The following MAN1C1 variants were observed in gnomAD, a reference collection of about 807,000 sequenced individuals.
MAN1C1 encodes mannosyl-oligosaccharide 1,2-alpha-mannosidase IC.
In MAN1C1, 49 loss-of-function variants were observed where a neutral mutation model predicts 71.5. The ratio of observed to expected loss-of-function variants is 0.69; its 90% CI spans 0.54 to 0.87. MAN1C1 has a LOEUF of 0.87. Among genes scored for constraint, MAN1C1 ranks in the 40% least tolerant of loss-of-function variants. The pLI, the probability that MAN1C1 is intolerant of heterozygous loss-of-function variation, is 0.00. For synonymous variants in MAN1C1, 352 were observed against 343.7 expected (o/e 1.02, Z -0.27); for missense variants, 743 against 835.0 (o/e 0.89, Z 1.36).
chr1:25,649,259 A>G (rs1434477450), intron 1 of MAN1C1, among the ~76,000 whole-genome samples: 1 of 152,218 alleles, frequency 6.6e-6, no homozygotes, highest in Non-Finnish European at 1.5e-5. Flanking sequence ...GCTTCTGAAG[A>G]GGCTTTGTGT....
At chr1:25,706,596 G>A (rs929713695) in intron 2 of MAN1C1, among the ~76,000 whole-genome samples, 3 of 152,226 alleles carry the variant, frequency 2.0e-5, no homozygotes, top group African/African-American at 7.2e-5. Context: ...TGAGTCCTCA[G>A]CAGAGAGTGT....
chr1:25,651,198 C>T (rs1221966932), intron 1 of MAN1C1, among the ~76,000 whole-genome samples: 1 of 152,246 alleles, frequency 6.6e-6, no homozygotes, highest in Non-Finnish European at 1.5e-5. Flanking sequence ...TCCTCTGCCA[C>T]ACTTTCTTCT....
At chr1:25,755,146 G>C (rs114057503) in intron 5 of MAN1C1, among the ~76,000 whole-genome samples, 2,933 of 152,258 alleles carry the variant, frequency 0.019, 100 homozygotes, top group African/African-American at 0.066. Context: ...TGCCCTACTC[G>C]TCAGGGTGGG....
chr1:25,618,373 G>C, intron 1 of MAN1C1, 36 bp downstream of exon 1: 1 of 1,567,728 alleles, frequency 6.4e-7, no homozygotes, highest in Non-Finnish European at 8.6e-7. Flanking sequence ...CCCACCAACT[G>C]CCCCCTCTAA....
At position 25,778,349 on chromosome 1, in the gene MAN1C1, G is replaced by A. The variant is rs780207707; in HGVS notation, c.1477+25G>A. On this transcript the variant is annotated intron_variant, in intron 9 of 11. Coordinates refer to ENST00000374332, the MANE Select transcript of MAN1C1 (RefSeq NM_020379.4). This position sits in a 1 kb window ranked among gnomAD's most constrained non-coding sequence, Gnocchi z 5.5. The stretch of plus-strand genomic sequence containing the variant: ...GGTAACCCTGCAAGGGGAAGGGGCA[G>A]CAGGAGAGACTGAGGCTAGACACCA... 51 of 1,586,010 alleles carry A rather than the reference G, an allele frequency of 3.2e-5. No individual in the cohort carries two copies. Among genetic ancestry groups the A allele is most frequent in the Non-Finnish European group, 4.2e-5 (49 of 1,162,384 alleles).
rs746161903 is a variant in MAN1C1 at position 25,753,504 on chromosome 1, C to T, written c.855C>T (p.Ile285=). 5 of 1,613,784 alleles carry T rather than the reference C, an allele frequency of 3.1e-6. No homozygotes were observed. The African/African-American group carries it at 6.7e-5, about 21-fold the overall frequency. Residue 285 remains isoleucine, a synonymous_variant, in exon 5 of 12, where the codon ATC becomes ATT. Coordinates refer to ENST00000374332, the MANE Select transcript of MAN1C1 (RefSeq NM_020379.4). The surrounding 1 kb of genome is among the most constrained non-coding windows in gnomAD (Gnocchi z 4.9). ...TGEEVFRIKA[I]RLGEKLLPAF... Reference sequence around the variant, plus strand: ...TACAGGTGTTCCGAATAAAGGCCATCAGGCTGGGAGAGAAGCTCCTGCCGG... The same window carrying T: ...TACAGGTGTTCCGAATAAAGGCCATTAGGCTGGGAGAGAAGCTCCTGCCGG...
At chr1:25,659,512 G>A (rs2045816350) in intron 1 of MAN1C1, among the ~76,000 whole-genome samples, 1 of 152,252 alleles carries the variant, frequency 6.6e-6, no homozygotes, top group African/African-American at 2.4e-5. Context: ...AAACCTGGGG[G>A]AGATTATGGA....
chr1:25,765,414 C>T (rs4659379), intron 7 of MAN1C1, among the ~76,000 whole-genome samples: 2,484 of 152,312 alleles, frequency 0.016, 28 homozygotes, highest in Non-Finnish European at 0.023. Context: ...GAGCCCCCAC[C>T]CCCACTGTCT....
At chr1:25,687,986 C>G (rs373072126) in intron 2 of MAN1C1, among the ~76,000 whole-genome samples, 1 of 151,954 alleles carries the variant, frequency 6.6e-6, no homozygotes, top group Non-Finnish European at 1.5e-5. Flanking sequence ...TCGTGTTTCC[C>G]GAAGTCATCT....
rs776381143 is a variant in MAN1C1 at position 25,617,865 on chromosome 1, TC to T, written c.70del (p.Leu24SerfsTer158). 1.2e-6 allele frequency: 2 copies of T among 1,606,786 alleles called. No homozygotes were observed. The highest frequency in any genetic ancestry group is 1.7e-6 in the Non-Finnish European group (2 of 1,177,480). On this transcript the variant is annotated frameshift_variant, in exon 1 of 12. Transcript: ENST00000374332. LOFTEE classifies it high-confidence loss of function. This position sits in a 1 kb window ranked among gnomAD's most constrained non-coding sequence, Gnocchi z 5.1. ...TGGGGGCTGCGGCTGCCGCAGAAGT[TC>T]CTCTTCCTCCTCTTCCTCTCGGGCC... ...SPWGLRLPQK[F>X]LFLLFLSGLV...
intron 1 of MAN1C1, among the ~76,000 whole-genome samples, chr1:25,661,204 T>C (rs996406246): frequency 6.6e-6 from 1 of 152,262 alleles, no homozygotes; most frequent in Admixed American, 6.5e-5. Context: ...GCAGCTGTGC[T>C]GCGTGGCCCA....
At chr1:25,762,096 A>G (rs1381218811) in intron 6 of MAN1C1, among the ~76,000 whole-genome samples, 2 of 147,676 alleles carry the variant, frequency 1.4e-5, no homozygotes, top group African/African-American at 2.5e-5. Flanking sequence ...TCCATTGTGT[A>G]TACCACATTT....
rs532233328 is a variant in MAN1C1, at chr1:25,630,641, G to GT, written c.540+12310dup. 7.2e-5 allele frequency among the ~76,000 whole-genome samples: 11 copies of GT among 152,182 alleles called. No homozygotes were observed. The South Asian group carries it at 2.1e-3, about 29-fold the overall frequency. On this transcript the variant is annotated intron_variant, in intron 1 of 11. Transcript: ENST00000374332. ...CCTCCTTAGTTAAGTATATTCCTAA[G>GT]TTTTTTATTTTATTTTATTTTTGCA...
rs1329457073 is a variant in MAN1C1, at chr1:25,631,375, G to T, written c.540+13038G>T. Reference sequence around the variant, plus strand: ...CCCATTCGGTATGATGTTGGTTATGGGTTTGTCATATATGGCTTTTATTAT... The same window carrying T: ...CCCATTCGGTATGATGTTGGTTATGTGTTTGTCATATATGGCTTTTATTAT... On this transcript the variant is annotated intron_variant, in intron 1 of 11. Coordinates refer to ENST00000374332, the MANE Select transcript of MAN1C1 (RefSeq NM_020379.4). This position sits in a 1 kb window ranked among gnomAD's most constrained non-coding sequence, Gnocchi z 4.2. Among the ~76,000 whole-genome samples, 1 of 152,056 alleles carries T rather than the reference G, an allele frequency of 6.6e-6. No homozygotes were observed. The highest frequency in any genetic ancestry group is 1.5e-5 in the Non-Finnish European group (1 of 67,998).
chr1:25,676,630 C>G (rs2046072406), intron 1 of MAN1C1, among the ~76,000 whole-genome samples: 1 of 152,206 alleles, frequency 6.6e-6, no homozygotes, highest in African/African-American at 2.4e-5. Context: ...CAAATCCCTT[C>G]CCACTTGGCC....
chr1:25,617,343 CT>C lies in MAN1C1; in HGVS notation c.-454del. The C allele has an allele frequency of 6.6e-6, 1 of 151,980 alleles. No individual in the cohort carries two copies. Among genetic ancestry groups the C allele is most frequent in the South Asian group, 2.1e-4 (1 of 4,830 alleles). 9.4% of individuals were successfully genotyped at this position (151,980 alleles called of 1,614,324 possible). On this transcript the variant is annotated 5_prime_UTR_variant, in exon 1 of 12. Transcript: ENST00000374332. This position sits in a 1 kb window ranked among gnomAD's most constrained non-coding sequence, Gnocchi z 5.1. ...CTTCTGAAGCTGAAACTTTGGGCGC[CT>C]ACCAGCGCGGGCGGGAGCCTAGGGG...
At chr1:25,642,560 G>A (rs1308528425) in intron 1 of MAN1C1, among the ~76,000 whole-genome samples, 1 of 152,224 alleles carries the variant, frequency 6.6e-6, no homozygotes, top group African/African-American at 2.4e-5. Flanking sequence ...GTCCCTTGGA[G>A]AGCTCTGTTT....
intron 2 of MAN1C1, among the ~76,000 whole-genome samples, chr1:25,713,625 TA>T (rs1348864342): frequency 6.6e-6 from 1 of 152,188 alleles, no homozygotes; most frequent in Non-Finnish European, 1.5e-5. Flanking sequence ...ATGGAGTTTA[TA>T]TAGGACTGTT....
At chr1:25,704,682 C>G (rs543160013) in intron 2 of MAN1C1, among the ~76,000 whole-genome samples, 1 of 152,336 alleles carries the variant, frequency 6.6e-6, no homozygotes, top group East Asian at 1.9e-4. Flanking sequence ...CCGGCTGATC[C>G]TGTTAAAATG....
Sources: gnomAD v4.1 joint callset for allele counts (sites outside exome capture counted in the v4.1 genomes callset) on GRCh38, gnomAD v4.1.1 for gene constraint, Gnocchi (gnomAD v3.1) non-coding constraint, MANE v1.5 for transcripts, NCBI Gene and HGNC (gene_info 2026-07-23, HGNC 2026-07-21) for gene names.